RBIS: variants seen among roughly 807,000 people sequenced by gnomAD.
RBIS encodes the protein ribosomal biogenesis factor, also known as ribosome biogenesis factor identified in screen.
In RBIS, 9 loss-of-function variants were observed where a neutral mutation model predicts 9.8. That is an observed-to-expected ratio of 0.92 (90% CI 0.56 to 1.61). The LOEUF (loss-of-function observed/expected upper bound fraction) is 1.61, where lower values mean the gene tolerates loss of function less well. RBIS is among the 40% of genes most tolerant of loss of function. The pLI is 0.00. For synonymous variants in RBIS, 35 were observed against 37.9 expected (o/e 0.92, Z 0.28); for missense variants, 103 against 116.0 (o/e 0.89, Z 0.51).
Position 85,217,450 on chromosome 8 carries a change from A to T in RBIS, c.50T>A (p.Ile17Lys). Residue 17 changes from isoleucine to lysine, a missense_variant, in exon 2 of 4, where the codon ATA (isoleucine) becomes AAA (lysine). Physicochemically the swap from Ile to Lys is moderately radical, Grantham distance 102. Transcript: ENST00000619594. ...AGCCTTAAAGTTTTTTTGGCTGGCTATGTGAAATACATTCCTGGACTTCGG... is the reference window on the plus strand; with the variant it reads ...AGCCTTAAAGTTTTTTTGGCTGGCTTTGTGAAATACATTCCTGGACTTCGG... ...RGPKSRNVFH[I>K]ASQKNFKAKN... is the part of the protein sequence containing the mutation. 1.9e-6 allele frequency: 3 copies of T among 1,612,718 alleles called. No homozygotes were observed. Among genetic ancestry groups the T allele is most frequent in the Non-Finnish European group, 1.7e-6 (2 of 1,179,674 alleles).
intron 1 of RBIS, among the ~76,000 whole-genome samples, chr8:85,219,754 TTAAAA>T (rs983191627): frequency 1.3e-5 from 2 of 151,432 alleles, no homozygotes; most frequent in African/African-American, 2.4e-5. Flanking sequence ...TAAATAAAAA[TTAAAA>T]TAAAATAATT....
In RBIS at chr8:85,214,649, T is replaced by C; in HGVS notation, c.232-18A>G. The C allele has an allele frequency of 6.8e-7, 1 of 1,463,252 alleles. No homozygotes were observed. The highest frequency in any genetic ancestry group is 9.6e-7 in the Non-Finnish European group (1 of 1,045,130). 90.6% of individuals were successfully genotyped at this position (1,463,252 alleles called of 1,614,324 possible). On this transcript the variant is annotated intron_variant, in intron 3 of 3. Transcript: ENST00000619594. Reference sequence around the variant, plus strand: ...TGAGGAATCTGAAAGGAGAAAGTATTATATTTAAAAACACAGACAACAATA... The same window carrying C: ...TGAGGAATCTGAAAGGAGAAAGTATCATATTTAAAAACACAGACAACAATA...
At chr8:85,219,612 G>T (rs1020948979) in intron 1 of RBIS, among the ~76,000 whole-genome samples, 2 of 152,024 alleles carry the variant, frequency 1.3e-5, no homozygotes, top group Non-Finnish European at 2.9e-5. Context: ...TTAGCCGGGC[G>T]TGGTGACGCG....
At chr8:85,219,520 C>A (rs949982912) in intron 1 of RBIS, among the ~76,000 whole-genome samples, 3 of 152,080 alleles carry the variant, frequency 2.0e-5, no homozygotes, top group African/African-American at 4.8e-5. Flanking sequence ...GAGGCCGAGG[C>A]GGACGGATCA....
At chr8:85,217,131 G>C (rs1813182492) in intron 2 of RBIS, 1 of 601,184 alleles carries the variant, frequency 1.7e-6, no homozygotes, top group South Asian at 2.1e-5. Flanking sequence ...CTATGGTTCA[G>C]TAAAACTATT....
In RBIS at chr8:85,217,416, T is replaced by C. The variant is rs1478715886; in HGVS notation, c.84A>G (p.Lys28=). The change falls in exon 2 of 4, where the codon AAA becomes AAG. Residue 28 remains lysine, a synonymous_variant. Coordinates refer to ENST00000619594, the MANE Select transcript of RBIS (RefSeq NM_001099673.3). The stretch of plus-strand genomic sequence containing the variant: ...TAAGATTAGTGGTAACTGGTTTTGC[T>C]TTGTTTTTAGCCTTAAAGTTTTTTT... ...ASQKNFKAKN[K]AKPVTTNLKK... 1 of 1,611,310 alleles carries C rather than the reference T, an allele frequency of 6.2e-7. No homozygotes were observed. Among genetic ancestry groups the C allele is most frequent in the Non-Finnish European group, 8.5e-7 (1 of 1,178,010 alleles).
chr8:85,217,345 G>A, intron 2 of RBIS, 41 bp downstream of exon 2: 1 of 1,129,612 alleles, frequency 8.9e-7, no homozygotes. Flanking sequence ...ATGACACTTT[G>A]CTTGTAAACA....
chr8:85,220,177 G>T (rs957154419), intron 1 of RBIS, 129 bp downstream of exon 1: 2 of 152,250 alleles, frequency 1.3e-5, no homozygotes, highest in African/African-American at 4.8e-5. Flanking sequence ...ACCCAGTAGG[G>T]CTGCCTGAGG....
At chr8:85,217,255 T>A (rs1253860438) in intron 2 of RBIS, 131 bp downstream of exon 2, 2 of 707,452 alleles carry the variant, frequency 2.8e-6, no homozygotes, top group Non-Finnish European at 5.1e-6. Context: ...AGACAAATGC[T>A]TGAAACCATC....
At chr8:85,216,353 T>C (rs903741592) in intron 2 of RBIS, 2 of 152,300 alleles carry the variant, frequency 1.3e-5, no homozygotes, top group African/African-American at 4.8e-5. Context: ...TGCCAAACAA[T>C]TTCTCCTTCA....
At chr8:85,218,137 GTA>G (rs1457213602) in intron 1 of RBIS, among the ~76,000 whole-genome samples, 2 of 152,162 alleles carry the variant, frequency 1.3e-5, no homozygotes, top group Non-Finnish European at 2.9e-5. Context: ...CTTTAATAAT[GTA>G]TATGAGGAAT....
At position 85,214,381 on chromosome 8, in the gene RBIS, T is replaced by C; in HGVS notation, c.*179A>G. 1 of 615,122 alleles carries C rather than the reference T, an allele frequency of 1.6e-6. No individual in the cohort carries two copies. The highest frequency in any genetic ancestry group is 1.9e-5 in the African/African-American group (1 of 53,796). The allele number at this position is 615,122 out of a possible 1,614,324, so 38.1% of individuals were successfully genotyped here. ...TGCCTTCTGTTTTAGCACTTTAAGT[T>C]TATCACATTTTGTTGACTTCTGACA... On this transcript the variant is annotated 3_prime_UTR_variant, in exon 4 of 4. Transcript: ENST00000619594.
intron 2 of RBIS, 117 bp from the exon 3 acceptor site, chr8:85,215,154 A>G: frequency 2.1e-6 from 1 of 469,940 alleles, no homozygotes; most frequent in Non-Finnish European, 3.7e-6. Flanking sequence ...AATTAGGGAT[A>G]ATTCACTCAA....
At position 85,214,921 on chromosome 8, in the gene RBIS, C is replaced by T. The variant is rs1268038485; in HGVS notation, c.231G>A (p.Leu77=). 3 of 1,491,906 alleles carry T rather than the reference C, an allele frequency of 2.0e-6. No individual in the cohort carries two copies. Among genetic ancestry groups the T allele is most frequent in the Non-Finnish European group, 2.8e-6 (3 of 1,086,054 alleles). The allele number at this position is 1,491,906 out of a possible 1,614,324, so 92.4% of individuals were successfully genotyped here. Residue 77 remains leucine (L), a splice_region_variant and synonymous_variant, in exon 3 of 4, where the codon CTG becomes CTA. Transcript: ENST00000619594. ...SISLEPLQKE[L]IPQQRHESKP... Reference sequence around the variant, plus strand: ...AAAAAAGCAAATGATTTCTGCTTACCAGTTCTTTCTGCAGAGGTTCAAGTG... The same window carrying T: ...AAAAAAGCAAATGATTTCTGCTTACTAGTTCTTTCTGCAGAGGTTCAAGTG...
chr8:85,217,208 G>A, intron 2 of RBIS, 178 bp downstream of exon 2: 1 of 658,438 alleles, frequency 1.5e-6, no homozygotes, highest in Non-Finnish European at 2.7e-6. Flanking sequence ...TTCAAGAAAG[G>A]GAGGTTATTT....
intron 1 of RBIS, chr8:85,218,752 A>G (rs1813244789): frequency 1.3e-5 from 2 of 152,262 alleles, no homozygotes; most frequent in South Asian, 4.1e-4. Flanking sequence ...GAATCGCTTG[A>G]ATCCGGAAGG....
At chr8:85,216,159 C>A (rs890760975) in intron 2 of RBIS, 3 of 152,208 alleles carry the variant, frequency 2.0e-5, no homozygotes, top group African/African-American at 7.2e-5. Context: ...GTGCTGTCAT[C>A]CCGCATCTAT....
chr8:85,214,744 A>G lies in RBIS; in HGVS notation c.232-113T>C, dbSNP rs530285532. 4 of 818,896 alleles carry G rather than the reference A, an allele frequency of 4.9e-6. No individual in the cohort carries two copies. The African/African-American group carries it at 6.8e-5, about 14-fold the overall frequency. 50.7% of individuals were successfully genotyped at this position (818,896 alleles called of 1,614,324 possible). ...TAGTCATATCTTTGGAAGTAGAACA[A>G]TCTGTATATTCTGACAATGTTTTAG... On this transcript the variant is annotated intron_variant, in intron 3 of 3. Coordinates refer to ENST00000619594, the MANE Select transcript of RBIS (RefSeq NM_001099673.3).
At chr8:85,216,847 A>C (rs1051886158) in intron 2 of RBIS, 1 of 154,302 alleles carries the variant, frequency 6.5e-6, no homozygotes, top group East Asian at 1.9e-4. Context: ...TTTTCTTAAA[A>C]ATTTTTCTTA....
Sources: allele counts gnomAD v4.1 joint callset (sites outside exome capture counted in the v4.1 genomes callset), GRCh38; gene constraint gnomAD v4.1.1; transcripts MANE v1.5; gene names NCBI Gene and HGNC (gene_info 2026-07-23, HGNC 2026-07-21).